LEPR: variants seen among roughly 807,000 people sequenced by gnomAD.
The protein encoded by LEPR is OB receptor.
A neutral mutation model predicts 114.7 loss-of-function variants in LEPR; 56 were observed. The observed-to-expected ratio is 0.49, with a 90% CI of 0.39 to 0.61. The LOEUF is 0.61. Ranked by LOEUF, LEPR falls within the 20% of genes least tolerant of loss-of-function variation. The pLI, the probability that LEPR is intolerant of heterozygous loss-of-function variation, is 0.00. For synonymous variants in LEPR, 443 were observed against 461.4 expected, an observed-to-expected ratio of 0.96 and a Z score of 0.51; for missense variants, 1,202 against 1,352.9, an observed-to-expected ratio of 0.89 and a Z score of 1.75.
chr1:65,512,105 C>G (rs1229266953), intron 2 of LEPR, among the ~76,000 whole-genome samples: 1 of 152,074 alleles, frequency 6.6e-6, no homozygotes, highest in Non-Finnish European at 1.5e-5. Context: ...ATGCTACACA[C>G]TTTTAAACCA....
At chr1:65,493,262 T>G (rs1647973625) in intron 2 of LEPR, among the ~76,000 whole-genome samples, 1 of 152,146 alleles carries the variant, frequency 6.6e-6, no homozygotes, top group Non-Finnish European at 1.5e-5. Flanking sequence ...CCCATCTCTG[T>G]TCTATTTTTA....
At chr1:65,587,354 A>C (rs1230376401) in intron 5 of LEPR, among the ~76,000 whole-genome samples, 1 of 152,068 alleles carries the variant, frequency 6.6e-6, no homozygotes, top group Non-Finnish European at 1.5e-5. Context: ...GATATTTTTA[A>C]AAATTACATT....
At chr1:65,447,542 T>TC (rs1557595951) in intron 2 of LEPR, among the ~76,000 whole-genome samples, 2 of 151,374 alleles carry the variant, frequency 1.3e-5, no homozygotes, top group African/African-American at 2.4e-5. Context: ...TTCTTTTTTT[T>TC]TTTTTTTGAT....
At chr1:65,438,410 C>T (rs953131673) in intron 2 of LEPR, among the ~76,000 whole-genome samples, 6 of 151,780 alleles carry the variant, frequency 4.0e-5, no homozygotes, top group African/African-American at 1.5e-4. Flanking sequence ...GTTAGCAGGG[C>T]GTGGTGGCTC....
chr1:65,582,651 C>G (rs1304725871), intron 5 of LEPR, among the ~76,000 whole-genome samples: 2 of 152,222 alleles, frequency 1.3e-5, no homozygotes, highest in African/African-American at 4.8e-5. Context: ...AGTGCCCATG[C>G]ACTTTTCCTC....
chr1:65,525,528 G>A (rs1418334659), intron 2 of LEPR: 1 of 696,064 alleles, frequency 1.4e-6, no homozygotes, highest in Non-Finnish European at 1.8e-6. Context: ...CTAGCCGCTC[G>A]AGTCCGCTCC....
At chr1:65,609,019 AG>A in intron 12 of LEPR, 118 bp downstream of exon 12, 1 of 1,304,842 alleles carries the variant, frequency 7.7e-7, no homozygotes, top group Non-Finnish European at 1.1e-6. Context: ...TGTATTGTGT[AG>A]CTATTTTCAT....
At chr1:65,434,043 A>G (rs1646524792) in intron 2 of LEPR, 2 of 985,240 alleles carry the variant, frequency 2.0e-6, no homozygotes, top group Non-Finnish European at 2.4e-6. Context: ...TTTGTTGCTT[A>G]TACACATTTT....
intron 2 of LEPR, among the ~76,000 whole-genome samples, chr1:65,487,706 A>T (rs200531519): frequency 0.027 from 1,971 of 72,266 alleles, 14 homozygotes; most frequent in Middle Eastern, 0.078. Flanking sequence ...AAATTAAAAA[A>T]TTTTTTTTTA....
chr1:65,432,033 T>C (rs775089816), intron 2 of LEPR: 1 of 1,434,006 alleles, frequency 7.0e-7, no homozygotes, highest in Non-Finnish European at 9.1e-7. Flanking sequence ...TTAATACCTT[T>C]ATATATCATG....
At chr1:65,447,322 T>C (rs1362835932) in intron 2 of LEPR, among the ~76,000 whole-genome samples, 1 of 152,042 alleles carries the variant, frequency 6.6e-6, no homozygotes, top group African/African-American at 2.4e-5. Flanking sequence ...TCCTTCCTTG[T>C]ATATTGAAAT....
intron 2 of LEPR, among the ~76,000 whole-genome samples, chr1:65,474,955 C>T (rs150456072): frequency 0.031 from 4,232 of 135,728 alleles, 223 homozygotes; most frequent in African/African-American, 0.11. Context: ...TGAACTGAGC[C>T]GAGATCGCAC....
chr1:65,636,856 C>G lies in LEPR; in HGVS notation c.3339C>G (p.Ile1113Met). Residue 1113 changes from isoleucine to methionine, a missense_variant, in exon 20 of 20, where the codon ATC becomes ATG. By Grantham distance (10) the Ile-to-Met change is conservative. Coordinates refer to ENST00000349533, the MANE Select transcript of LEPR (RefSeq NM_002303.6). ...PFPAPCLFTDIRVLQDSCSHF... is the reference protein window; with the variant it reads ...PFPAPCLFTDMRVLQDSCSHF... The stretch of plus-strand genomic sequence containing the variant: ...CAGCCCCCTGTTTATTCACGGACAT[C>G]AGAGTTCTCCAGGACAGTTGCTCAC... The G allele has an allele frequency of 6.2e-7, 1 of 1,611,624 alleles. No homozygotes were observed. The highest frequency in any genetic ancestry group is 1.1e-5 in the South Asian group (1 of 90,634).
At chr1:65,504,076 T>C (rs1648600400) in intron 2 of LEPR, among the ~76,000 whole-genome samples, 5 of 152,152 alleles carry the variant, frequency 3.3e-5, no homozygotes, top group Admixed American at 2.6e-4. Context: ...CAGTTCCTAA[T>C]GGCCTACGCT....
intron 2 of LEPR, among the ~76,000 whole-genome samples, chr1:65,501,379 C>T (rs1426973905): frequency 1.3e-5 from 2 of 151,526 alleles, no homozygotes; most frequent in Non-Finnish European, 2.9e-5. Flanking sequence ...CTAATCTCTG[C>T]CTCCATTTTC....
At chr1:65,452,759 G>T (rs1646805203) in intron 2 of LEPR, among the ~76,000 whole-genome samples, 1 of 151,966 alleles carries the variant, frequency 6.6e-6, no homozygotes, top group South Asian at 2.1e-4. Context: ...TTGTGTCTCT[G>T]CCCGGCTTTG....
chr1:65,515,061 T>C (rs918274543), intron 2 of LEPR, among the ~76,000 whole-genome samples: 1 of 152,230 alleles, frequency 6.6e-6, no homozygotes, highest in Non-Finnish European at 1.5e-5. Flanking sequence ...AATATTTTGT[T>C]GGATCTTGAC....
Position 65,550,344 on chromosome 1 carries a change from C to G in LEPR, c.-20-15202C>G, listed in dbSNP as rs547350016. On this transcript the variant is annotated intron_variant, in intron 2 of 19. Coordinates refer to ENST00000349533, the MANE Select transcript of LEPR (RefSeq NM_002303.6). ...CTGGGAGAACCACTGCTCTCTTCAACGCTGTCAGACAGGAACATTTAAGTC... is the reference window on the plus strand; with the variant it reads ...CTGGGAGAACCACTGCTCTCTTCAAGGCTGTCAGACAGGAACATTTAAGTC... Among the ~76,000 whole-genome samples, 100 of 152,282 alleles carry G rather than the reference C, an allele frequency of 6.6e-4. 1 individual carries two copies. The highest frequency in any genetic ancestry group is 3.5e-3 in the East Asian group (18 of 5,166).
chr1:65,502,986 T>G (rs1648535302), intron 2 of LEPR, among the ~76,000 whole-genome samples: 1 of 149,736 alleles, frequency 6.7e-6, no homozygotes, highest in South Asian at 2.1e-4. Flanking sequence ...GGGGAGGGTA[T>G]GGATGAGGGA....
Sources: allele counts gnomAD v4.1 joint callset (sites outside exome capture counted in the v4.1 genomes callset), GRCh38; gene constraint gnomAD v4.1.1; transcripts MANE v1.5; gene names NCBI Gene and HGNC (gene_info 2026-07-23, HGNC 2026-07-21).